Variants in PCDHA3 observed in about 807,000 individuals in gnomAD.
PCDHA3 encodes protocadherin alpha 3.
Under a neutral mutation model 62.2 loss-of-function variants are expected in PCDHA3, and 41 were observed. The observed-to-expected ratio is 0.66, with a 90% confidence interval of 0.51 to 0.86. PCDHA3 has a LOEUF of 0.86. Ranked by LOEUF, PCDHA3 falls within the 40% of genes least tolerant of loss-of-function variation. PCDHA3 has a pLI of 0.00. For synonymous variants in PCDHA3, 640 were observed against 555.4 expected, an observed-to-expected ratio of 1.15 and a Z score of -2.14; for missense variants, 1,304 against 1,241.2, an observed-to-expected ratio of 1.05 and a Z score of -0.76.
intron 1 of PCDHA3, chr5:140,930,195 G>A (rs1427541259): frequency 6.6e-6 from 1 of 152,140 alleles, no homozygotes; most frequent in East Asian, 1.9e-4. Context: ...TAATTTTTAT[G>A]TCAGAAATAT....
In PCDHA3 at chr5:140,802,970, A is replaced by G. The variant is rs781822296; in HGVS notation, c.1773A>G (p.Val591=). Residue 591 remains valine (V), a synonymous_variant, in exon 1 of 4, where the codon GTA becomes GTG. Transcript: ENST00000522353. The part of the protein sequence containing the change: ...VPRSVGAGHV[V]AKVRAVDADS... ...GGTCAGTGGGTGCGGGCCACGTGGT[A>G]GCGAAGGTGCGCGCAGTGGATGCAG... 1.3e-5 allele frequency: 21 copies of G among 1,613,960 alleles called. No individual in the cohort carries two copies. The highest frequency in any genetic ancestry group is 1.6e-5 in the Non-Finnish European group (19 of 1,179,898).
intron 1 of PCDHA3, among the ~76,000 whole-genome samples, chr5:140,941,983 A>G (rs2093212614): frequency 6.6e-6 from 1 of 152,198 alleles, no homozygotes; most frequent in Non-Finnish European, 1.5e-5. Context: ...CTAAACCTTG[A>G]TAAGGGATTC....
At chr5:140,946,631 T>TATATGTATATAC (rs57893927) in intron 1 of PCDHA3, among the ~76,000 whole-genome samples, 2 of 131,846 alleles carry the variant, frequency 1.5e-5, no homozygotes, top group Non-Finnish European at 3.1e-5. Flanking sequence ...TATATATATA[T>TATATGTATATAC]ACAATGGAAT....
intron 1 of PCDHA3, chr5:140,875,640 G>A (rs782266115): frequency 2.5e-6 from 4 of 1,613,688 alleles, no homozygotes; most frequent in Non-Finnish European, 3.4e-6. Context: ...GGCTGGAGCT[G>A]GCGGAGCTGG....
chr5:140,806,660 T>TA (rs376815629), intron 1 of PCDHA3, among the ~76,000 whole-genome samples: 145 of 151,574 alleles, frequency 9.6e-4, no homozygotes, highest in East Asian at 5.6e-3. Flanking sequence ...TTATCATTAA[T>TA]AAAAAAAAAC....
intron 1 of PCDHA3, among the ~76,000 whole-genome samples, chr5:140,936,295 C>T (rs1482125698): frequency 1.3e-5 from 2 of 152,182 alleles, no homozygotes; most frequent in African/African-American, 4.8e-5. Context: ...TATAACATTG[C>T]TATCCAATAG....
At chr5:140,928,427 C>T in intron 1 of PCDHA3, 1 of 1,614,132 alleles carries the variant, frequency 6.2e-7, no homozygotes. Flanking sequence ...GCCAAAACTT[C>T]CTTTGACTTT....
chr5:140,884,159 A>T, intron 1 of PCDHA3: 3 of 1,613,418 alleles, frequency 1.9e-6, no homozygotes, highest in Non-Finnish European at 2.5e-6. Context: ...CACTGGCGAG[A>T]TCAGCACGAC....
intron 1 of PCDHA3, among the ~76,000 whole-genome samples, chr5:140,900,791 T>A (rs2068293056): frequency 6.6e-6 from 1 of 152,200 alleles, no homozygotes; most frequent in African/African-American, 2.4e-5. Flanking sequence ...TCCAAACTGT[T>A]CTCCATAGTG....
intron 1 of PCDHA3, among the ~76,000 whole-genome samples, chr5:140,910,884 T>C (rs748501328): frequency 3.3e-5 from 5 of 152,254 alleles, no homozygotes; most frequent in Non-Finnish European, 7.3e-5. Flanking sequence ...ACCCTTAATA[T>C]CCATTCCTAT....
rs2150329833 is a variant in PCDHA3, at chr5:140,842,126, C to A, written c.2394+38535C>A. The A allele has an allele frequency of 5.7e-5, 92 of 1,613,822 alleles. 1 individual carries two copies. The East Asian group carries it at 1.8e-3, about 32-fold the overall frequency. ...AGTTATCAAACTGAATGCTTCTGAT[C>A]CGGATGAAGGAGCCAATGGGGCAAT... On this transcript the variant is annotated intron_variant, in intron 1 of 3. Transcript: ENST00000522353.
At chr5:140,896,960 T>C (rs1242760287) in intron 1 of PCDHA3, among the ~76,000 whole-genome samples, 1 of 152,234 alleles carries the variant, frequency 6.6e-6, no homozygotes, top group Non-Finnish European at 1.5e-5. Context: ...CTTAAACATT[T>C]ATTCTTTGCA....
chr5:140,830,014 C>T (rs2150179616), intron 1 of PCDHA3: 3 of 1,613,898 alleles, frequency 1.9e-6, no homozygotes, highest in Non-Finnish European at 2.5e-6. Flanking sequence ...ACGAAGCGGA[C>T]TCTCCGCGCC....
intron 3 of PCDHA3, among the ~76,000 whole-genome samples, chr5:141,003,906 T>C (rs2153979379): frequency 6.6e-6 from 1 of 152,260 alleles, no homozygotes; most frequent in South Asian, 2.1e-4. Context: ...TTCATTTGGG[T>C]CTTGACTGCA....
At chr5:140,926,613 C>T (rs868988407) in intron 1 of PCDHA3, 87 of 374,818 alleles carry the variant, frequency 2.3e-4, no homozygotes, top group Middle Eastern at 2.1e-3. Context: ...GTCTCTGCAC[C>T]CCTAGGCGGC....
At chr5:140,926,749 G>C (rs541261946) in intron 1 of PCDHA3, 4 of 1,237,260 alleles carry the variant, frequency 3.2e-6, no homozygotes, top group Non-Finnish European at 3.1e-6. Context: ...CAACGTCGGC[G>C]GTCGCTGAGT....
rs374009117 is a variant in PCDHA3, at chr5:140,802,142, A to G, written c.945A>G (p.Ser315=). ...KGNIDFEESK[S]YEIQVEATDK... ...ACATAGATTTCGAGGAAAGTAAGTC[A>G]TATGAAATCCAGGTAGAAGCCACGG... Residue 315 remains serine, a synonymous_variant, in exon 1 of 4, where the codon TCA becomes TCG. Coordinates refer to ENST00000522353, the MANE Select transcript of PCDHA3 (RefSeq NM_018906.3). 6.1e-5 allele frequency: 99 copies of G among 1,614,142 alleles called. 1 individual carries two copies. The highest frequency in any genetic ancestry group is 5.3e-5 in the Non-Finnish European group (62 of 1,180,052).
chr5:140,882,182 G>GACT (rs1284192603), intron 1 of PCDHA3: 2 of 1,518,394 alleles, frequency 1.3e-6, no homozygotes, highest in African/African-American at 2.8e-5. Flanking sequence ...TCCGCACTAG[G>GACT]AAGCCATAAA....
chr5:140,960,293 T>C (rs990761387), intron 1 of PCDHA3, among the ~76,000 whole-genome samples: 5 of 152,174 alleles, frequency 3.3e-5, no homozygotes, highest in Non-Finnish European at 7.3e-5. Flanking sequence ...ACCCAGTTTC[T>C]TCATCAATAC....
Sources: gnomAD v4.1 joint callset for allele counts (sites outside exome capture counted in the v4.1 genomes callset) on GRCh38, gnomAD v4.1.1 for gene constraint, MANE v1.5 for transcripts, NCBI Gene and HGNC (gene_info 2026-07-23, HGNC 2026-07-21) for gene names.